ADAMTS18: variants seen among roughly 807,000 people sequenced by gnomAD.
ADAMTS18 encodes the protein A disintegrin and metalloproteinase with thrombospondin motifs 18.
In ADAMTS18, 157 loss-of-function variants were observed where a neutral mutation model predicts 165.9. The ratio of observed to expected loss-of-function variants is 0.95; its 90% CI spans 0.83 to 1.08. ADAMTS18 has a LOEUF of 1.08. Among genes scored for constraint, ADAMTS18 ranks in the 50% least tolerant of loss-of-function variants. The pLI, the probability that ADAMTS18 is intolerant of heterozygous loss-of-function variation, is 0.00. For missense variants in ADAMTS18, 2,040 were observed against 1,534.0 expected, an observed-to-expected ratio of 1.33 and a Z score of -5.51; for synonymous variants, 782 against 578.2, an observed-to-expected ratio of 1.35 and a Z score of -5.06.
At chr16:77,410,292 GA>G (rs11376240) in intron 3 of ADAMTS18, among the ~76,000 whole-genome samples, 1,542 of 141,228 alleles carry the variant, frequency 0.011, 23 homozygotes, top group African/African-American at 0.035. Flanking sequence ...ACCCAAATTT[GA>G]AAAAAAAAAA....
chr16:77,334,781 A>AC (rs1567492033), intron 12 of ADAMTS18, among the ~76,000 whole-genome samples: 11 of 103,576 alleles, frequency 1.1e-4, no homozygotes, highest in African/African-American at 3.5e-4. Context: ...ATACTATAGT[A>AC]TACAGTAAAT....
chr16:77,332,422 T>C (rs2056204279), intron 12 of ADAMTS18, among the ~76,000 whole-genome samples: 1 of 152,130 alleles, frequency 6.6e-6, no homozygotes, highest in Non-Finnish European at 1.5e-5. Context: ...CCAGAACCTT[T>C]TGGTGAATGC....
chr16:77,324,300 G>A (rs925001259), intron 13 of ADAMTS18, among the ~76,000 whole-genome samples: 15 of 152,322 alleles, frequency 9.8e-5, no homozygotes, highest in Admixed American at 3.9e-4. Context: ...TGCAGCATCC[G>A]CTGGGACCTG....
intron 3 of ADAMTS18, among the ~76,000 whole-genome samples, chr16:77,424,037 T>C (rs2057639064): frequency 6.6e-6 from 1 of 152,156 alleles, no homozygotes; most frequent in South Asian, 2.1e-4. Context: ...TCATAAATCT[T>C]CACAATCTTA....
At chr16:77,335,016 T>C (rs1297367084) in intron 12 of ADAMTS18, among the ~76,000 whole-genome samples, 1 of 144,384 alleles carries the variant, frequency 6.9e-6, no homozygotes, top group African/African-American at 2.5e-5. Context: ...TAGTATATAG[T>C]AGTATATATA....
chr16:77,378,683 C>G (rs756332749), intron 3 of ADAMTS18, among the ~76,000 whole-genome samples: 2 of 151,904 alleles, frequency 1.3e-5, no homozygotes, highest in East Asian at 3.9e-4. Flanking sequence ...CCACTGCACT[C>G]CAACCTGGGT....
At chr16:77,308,910 A>G (rs899534566) in intron 16 of ADAMTS18, among the ~76,000 whole-genome samples, 5 of 152,206 alleles carry the variant, frequency 3.3e-5, no homozygotes, top group African/African-American at 1.2e-4. Context: ...GTGGAGAATT[A>G]AAATAGATTT....
intron 16 of ADAMTS18, among the ~76,000 whole-genome samples, chr16:77,306,191 C>T (rs1461717525): frequency 6.6e-6 from 1 of 152,206 alleles, no homozygotes; most frequent in African/African-American, 2.4e-5. Flanking sequence ...CTCCAATTTA[C>T]AGCTGGCAAG....
At chr16:77,420,455 G>C (rs1483010636) in intron 3 of ADAMTS18, among the ~76,000 whole-genome samples, 1 of 152,128 alleles carries the variant, frequency 6.6e-6, no homozygotes, top group Non-Finnish European at 1.5e-5. Flanking sequence ...TGCTCTAATT[G>C]TTCTGGGGTG....
intron 16 of ADAMTS18, among the ~76,000 whole-genome samples, chr16:77,303,140 T>A (rs2055616976): frequency 6.6e-6 from 1 of 152,176 alleles, no homozygotes; most frequent in South Asian, 2.1e-4. Flanking sequence ...TACTACACAC[T>A]GATTCCATCT....
chr16:77,306,425 T>A (rs2055683035), intron 16 of ADAMTS18, among the ~76,000 whole-genome samples: 1 of 152,228 alleles, frequency 6.6e-6, no homozygotes, highest in South Asian at 2.1e-4. Flanking sequence ...CACATAAAAT[T>A]AAAACAAAGG....
At chr16:77,325,445 G>C (rs1467595841) in intron 13 of ADAMTS18, among the ~76,000 whole-genome samples, 1 of 152,034 alleles carries the variant, frequency 6.6e-6, no homozygotes, top group East Asian at 1.9e-4. Flanking sequence ...TCTACACACA[G>C]GCCTTCCCAT....
At chr16:77,359,174 C>T in intron 8 of ADAMTS18, 144 bp downstream of exon 8, 1 of 751,786 alleles carries the variant, frequency 1.3e-6, no homozygotes, top group Admixed American at 2.1e-5. Context: ...TTTAGTGAGC[C>T]CTTTGTATAG....
intron 3 of ADAMTS18, among the ~76,000 whole-genome samples, chr16:77,408,513 GAAACGAGAAT>G (rs1290924301): frequency 1.3e-5 from 2 of 152,114 alleles, no homozygotes; most frequent in African/African-American, 4.8e-5. Context: ...ATACTTTGAA[GAAACGAGAAT>G]AAACTACAGC....
At chr16:77,313,363 C>G (rs2055819663) in intron 16 of ADAMTS18, among the ~76,000 whole-genome samples, 1 of 151,740 alleles carries the variant, frequency 6.6e-6, no homozygotes, top group East Asian at 1.9e-4. Flanking sequence ...TTAATGGGTA[C>G]AGCACACCAA....
chr16:77,304,554 C>T (rs533505181), intron 16 of ADAMTS18, among the ~76,000 whole-genome samples: 2 of 152,326 alleles, frequency 1.3e-5, no homozygotes, highest in East Asian at 3.9e-4. Context: ...TTCCCACATC[C>T]CTTTTCCTAA....
Position 77,283,473 on chromosome 16 carries a change from C to T in ADAMTS18, c.*483G>A, listed in dbSNP as rs2055187505. The T allele has an allele frequency of 5.8e-6, 1 of 171,628 alleles. No individual in the cohort carries two copies. The allele number at this position is 171,628 out of a possible 1,614,324, so 10.6% of individuals were successfully genotyped here. A position where few individuals can be genotyped will look rare whatever the true frequency, so the allele number is the denominator to read the frequency against. Reference sequence around the variant, plus strand: ...GCACCATTTGGCTTCTCATAGAACTCCTGGCTTGGGTGTTCACAGGGTTAG... The same window carrying T: ...GCACCATTTGGCTTCTCATAGAACTTCTGGCTTGGGTGTTCACAGGGTTAG... On this transcript the variant is annotated 3_prime_UTR_variant, in exon 23 of 23. Coordinates refer to ENST00000282849, the MANE Select transcript of ADAMTS18 (RefSeq NM_199355.4).
chr16:77,430,944 G>C (rs1027423410), intron 3 of ADAMTS18, among the ~76,000 whole-genome samples: 1 of 152,180 alleles, frequency 6.6e-6, no homozygotes. Flanking sequence ...TCAAAGCCAT[G>C]TAGACGCATG....
At chr16:77,382,661 G>A (rs1331047709) in intron 3 of ADAMTS18, among the ~76,000 whole-genome samples, 2 of 152,200 alleles carry the variant, frequency 1.3e-5, no homozygotes, top group South Asian at 2.1e-4. Context: ...TTATGAATGT[G>A]ATCATTTCAA....
Sources: gnomAD v4.1 joint callset for allele counts (sites outside exome capture counted in the v4.1 genomes callset) on GRCh38, gnomAD v4.1.1 for gene constraint, MANE v1.5 for transcripts, NCBI Gene and HGNC (gene_info 2026-07-23, HGNC 2026-07-21) for gene names.